Variants in MEMO1 observed in about 807,000 individuals in gnomAD.
The protein encoded by MEMO1 is mediator of cell motility 1.
Under a neutral mutation model 45.2 loss-of-function variants are expected in MEMO1, and 6 were observed. The ratio of observed to expected loss-of-function variants is 0.13; its 90% CI spans 0.07 to 0.26. MEMO1 has a LOEUF of 0.26. Ranked by LOEUF, MEMO1 falls within the 10% of genes least tolerant of loss-of-function variation. MEMO1 has a pLI of 1.00. For synonymous variants in MEMO1, 78 were observed against 124.3 expected (o/e 0.63, Z 2.48); for missense variants, 184 against 370.5 (o/e 0.50, Z 4.13).
intron 2 of MEMO1, among the ~76,000 whole-genome samples, chr2:32,009,657 C>T (rs1674564236): frequency 1.3e-5 from 2 of 152,062 alleles, no homozygotes; most frequent in African/African-American, 4.8e-5. Flanking sequence ...TCCCTCTGGG[C>T]GAGGGCACTC....
intron 2 of MEMO1, among the ~76,000 whole-genome samples, chr2:31,971,500 G>C (rs2148462099): frequency 6.6e-6 from 1 of 152,162 alleles, no homozygotes. Context: ...AAAGTGCTGG[G>C]ATTATAGGCA....
At chr2:31,896,942 T>C (rs939473494) in intron 6 of MEMO1, among the ~76,000 whole-genome samples, 1 of 152,090 alleles carries the variant, frequency 6.6e-6, no homozygotes, top group Non-Finnish European at 1.5e-5. Flanking sequence ...GTCCTTCACA[T>C]CCCTCGTAAG....
At chr2:31,995,913 T>TA (rs1672538905) in intron 2 of MEMO1, among the ~76,000 whole-genome samples, 2 of 151,826 alleles carry the variant, frequency 1.3e-5, no homozygotes, top group South Asian at 2.1e-4. Context: ...GAAACAAATA[T>TA]AAAAAAATCA....
chr2:31,994,451 G>A (rs1672322938), intron 2 of MEMO1, among the ~76,000 whole-genome samples: 1 of 150,040 alleles, frequency 6.7e-6, no homozygotes, highest in Admixed American at 6.7e-5. Flanking sequence ...CCAACATGGT[G>A]AAACCCCATC....
intron 2 of MEMO1, among the ~76,000 whole-genome samples, chr2:31,991,528 C>T (rs1671945607): frequency 6.6e-6 from 1 of 150,662 alleles, no homozygotes; most frequent in East Asian, 1.9e-4. Flanking sequence ...CCAAGATCGC[C>T]CCATTGTACC....
Position 31,953,345 on chromosome 2 carries a change from T to A in MEMO1, c.62-9962A>T, listed in dbSNP as rs1164606225. ...TCATGCCATTGCACTCCAGCCTGGG[T>A]GATAGAGTGAAACTCCGTCTCAAAA... is the stretch of plus-strand genomic sequence containing the variant. On this transcript the variant is annotated intron_variant, in intron 2 of 9. Coordinates refer to ENST00000404530, the MANE Select transcript of MEMO1 (RefSeq NM_001301833.4). Among the ~76,000 whole-genome samples the A allele has an allele frequency of 2.3e-5, 3 of 132,114 alleles. No homozygotes were observed. In the Admixed American group the frequency reaches 2.6e-4, roughly 12 times the overall value. 86.7% of individuals were successfully genotyped at this position (132,114 alleles called of 152,430 possible).
intron 7 of MEMO1, among the ~76,000 whole-genome samples, chr2:31,890,771 T>C (rs953801865): frequency 6.6e-6 from 1 of 152,138 alleles, no homozygotes; most frequent in Non-Finnish European, 1.5e-5. Flanking sequence ...TGCAGGATGT[T>C]TATTTAGCAG....
At position 31,928,141 on chromosome 2, in the gene MEMO1, T is replaced by C. The variant is rs1683388320; in HGVS notation, c.212+3926A>G. 6.6e-5 allele frequency among the ~76,000 whole-genome samples: 10 copies of C among 152,354 alleles called. 2 individuals are homozygous for C. The South Asian group carries it at 2.1e-3, about 32-fold the overall frequency. ...AACACCTGAAAACCTTTGCTACCAA[T>C]TCTTCATAGAACAGGCAAGTTTGTT... On this transcript the variant is annotated intron_variant, in intron 4 of 9. Transcript: ENST00000404530.
chr2:31,902,397 C>CA (rs1040830975), intron 6 of MEMO1, among the ~76,000 whole-genome samples: 90 of 134,294 alleles, frequency 6.7e-4, no homozygotes, highest in South Asian at 7.1e-4. Flanking sequence ...GACTCTGCCT[C>CA]AAAAAAAAAA....
intron 6 of MEMO1, among the ~76,000 whole-genome samples, chr2:31,909,804 A>T (rs1348243232): frequency 1.3e-5 from 2 of 152,134 alleles, no homozygotes; most frequent in African/African-American, 4.8e-5. Flanking sequence ...TGGGAATAGC[A>T]GAAGGAGAGA....
rs200498004 is a variant in MEMO1, at chr2:31,913,533, A to T, written c.437+4393T>A. 4.0e-3 allele frequency among the ~76,000 whole-genome samples: 573 copies of T among 142,864 alleles called. 2 individuals carry two copies. Among genetic ancestry groups the T allele is most frequent in the East Asian group, 8.7e-3 (43 of 4,964 alleles). 93.7% of individuals were successfully genotyped at this position (142,864 alleles called of 152,430 possible). A position where few individuals can be genotyped will look rare whatever the true frequency, so the allele number is the denominator to read the frequency against. On this transcript the variant is annotated intron_variant, in intron 6 of 9. Transcript: ENST00000404530. ...TGATTAAGAGTTTTTTTTTTTTTTTATTTTTTGAAAATTAAAAAAACATGT... is the reference window on the plus strand; with the variant it reads ...TGATTAAGAGTTTTTTTTTTTTTTTTTTTTTTGAAAATTAAAAAAACATGT...
At chr2:31,987,087 T>TGGGCGACAAAGCAAGACTC (rs1671352889) in intron 2 of MEMO1, among the ~76,000 whole-genome samples, 1 of 152,232 alleles carries the variant, frequency 6.6e-6, no homozygotes, top group African/African-American at 2.4e-5. Context: ...GACTGCAGCC[T>TGGGCGACAAAGCAAGACTC]TGACTTACTG....
At chr2:31,994,936 G>A (rs761118877) in intron 2 of MEMO1, among the ~76,000 whole-genome samples, 4 of 147,258 alleles carry the variant, frequency 2.7e-5, no homozygotes, top group Non-Finnish European at 6.0e-5. Context: ...GGTGGGGGTG[G>A]AGGTAGAGCA....
chr2:31,970,775 G>A (rs1311262066), intron 2 of MEMO1, among the ~76,000 whole-genome samples: 2 of 152,158 alleles, frequency 1.3e-5, no homozygotes, highest in African/African-American at 4.8e-5. Context: ...AGGCCGAGGT[G>A]GGGGGATCAC....
intron 2 of MEMO1, among the ~76,000 whole-genome samples, chr2:31,964,947 C>T (rs559157352): frequency 2.6e-5 from 4 of 152,150 alleles, no homozygotes; most frequent in East Asian, 3.9e-4. Flanking sequence ...GGTGCAGCGG[C>T]TCACCCCTGT....
At chr2:31,914,196 G>A (rs895520038) in intron 6 of MEMO1, among the ~76,000 whole-genome samples, 1 of 152,150 alleles carries the variant, frequency 6.6e-6, no homozygotes, top group Non-Finnish European at 1.5e-5. Context: ...TCAATTGGCA[G>A]CAGATGAAAC....
chr2:32,002,168 A>AAAATATAT (rs1553383012), intron 2 of MEMO1, among the ~76,000 whole-genome samples: 1 of 74,908 alleles, frequency 1.3e-5, no homozygotes, highest in African/African-American at 6.2e-5. Context: ...AAAAAAAAAA[A>AAAATATAT]ATATATATAT....
rs1572576433 is a variant in MEMO1, at chr2:31,888,628, A to G, written c.580+3364T>C. On this transcript the variant is annotated intron_variant, in intron 7 of 9. Coordinates refer to ENST00000404530, the MANE Select transcript of MEMO1 (RefSeq NM_001301833.4). Reference sequence around the variant, plus strand: ...TTTATTTAACCATGGTAAAGCACACAGACTAGTGGCAAATGTCTTTTCACT... The same window carrying G: ...TTTATTTAACCATGGTAAAGCACACGGACTAGTGGCAAATGTCTTTTCACT... Among the ~76,000 whole-genome samples, 2 of 152,252 alleles carry G rather than the reference A, an allele frequency of 1.3e-5. 1 individual carries two copies. Among genetic ancestry groups the G allele is most frequent in the South Asian group, 4.1e-4 (2 of 4,834 alleles).
chr2:31,868,184 T>G lies in MEMO1; in HGVS notation c.*177A>C. 2.1e-6 allele frequency: 1 copy of G among 479,258 alleles called. No individual in the cohort carries two copies. The highest frequency in any genetic ancestry group is 1.1e-4 in the South Asian group (1 of 9,202). The allele number at this position is 479,258 out of a possible 1,614,324, so 29.7% of individuals were successfully genotyped here. ...CACTGCCCTAAACTATAAAGCATTTTTTAATGAGTTGAAATTAAGGAAGGA... is the reference window on the plus strand; with the variant it reads ...CACTGCCCTAAACTATAAAGCATTTGTTAATGAGTTGAAATTAAGGAAGGA... On this transcript the variant is annotated 3_prime_UTR_variant, in exon 10 of 10. Coordinates refer to ENST00000404530, the MANE Select transcript of MEMO1 (RefSeq NM_001301833.4).
Sources: allele counts gnomAD v4.1 joint callset (sites outside exome capture counted in the v4.1 genomes callset), GRCh38; gene constraint gnomAD v4.1.1; transcripts MANE v1.5; gene names NCBI Gene and HGNC (gene_info 2026-07-23, HGNC 2026-07-21).